The following FRYL variants were observed in gnomAD, a reference collection of about 807,000 sequenced individuals.
FRYL encodes FRY like transcription coactivator.
A neutral mutation model predicts 351.2 loss-of-function variants in FRYL; 150 were observed. The ratio of observed to expected loss-of-function variants is 0.43; its 90% CI spans 0.37 to 0.49. The LOEUF (loss-of-function observed/expected upper bound fraction) is 0.49, where lower values mean the gene tolerates loss of function less well. Among genes scored for constraint, FRYL ranks in the 20% least tolerant of loss-of-function variants. FRYL has a pLI of 0.00. For synonymous variants in FRYL, 1,153 were observed against 1,257.1 expected, an observed-to-expected ratio of 0.92 and a Z score of 1.75; for missense variants, 3,036 against 3,619.3, an observed-to-expected ratio of 0.84 and a Z score of 4.13.
At chr4:48,678,505 C>G (rs1418586554) in intron 3 of FRYL, among the ~76,000 whole-genome samples, 1 of 18,960 alleles carries the variant, frequency 5.3e-5, no homozygotes, top group Non-Finnish European at 8.3e-5. Flanking sequence ...AAAACTCCAT[C>G]TCAAAAAAAA....
intron 18 of FRYL, among the ~76,000 whole-genome samples, chr4:48,588,181 T>A (rs1208814568): frequency 6.6e-6 from 1 of 152,190 alleles, no homozygotes; most frequent in Non-Finnish European, 1.5e-5. Flanking sequence ...TCTCCCAGGA[T>A]AACCCACATG....
chr4:48,766,829 TAAG>T (rs1774996106), intron 1 of FRYL, among the ~76,000 whole-genome samples: 1 of 151,876 alleles, frequency 6.6e-6, no homozygotes, highest in South Asian at 2.1e-4. Flanking sequence ...GTTTTCAAAG[TAAG>T]GAGGTGATTT....
chr4:48,638,365 A>T (rs1317251762), intron 3 of FRYL: 1 of 152,164 alleles, frequency 6.6e-6, no homozygotes, highest in Non-Finnish European at 1.5e-5. Flanking sequence ...AGGCTTTGGA[A>T]CATGAACAAA....
intron 2 of FRYL, among the ~76,000 whole-genome samples, chr4:48,702,350 G>T (rs2149577126): frequency 6.7e-6 from 1 of 148,936 alleles, no homozygotes; most frequent in South Asian, 2.1e-4. Flanking sequence ...CAGCTACTCA[G>T]GAGGCTGAGG....
At position 48,567,917 on chromosome 4, in the gene FRYL, A is replaced by G. The variant is rs189262027; in HGVS notation, c.2997-497T>C. 2.0e-4 allele frequency among the ~76,000 whole-genome samples: 31 copies of G among 152,366 alleles called. No individual in the cohort carries two copies. The highest frequency in any genetic ancestry group is 6.7e-4 in the African/African-American group (28 of 41,592). On this transcript the variant is annotated intron_variant, in intron 27 of 63. Transcript: ENST00000358350. The surrounding 1 kb of genome is among the most constrained non-coding windows in gnomAD (Gnocchi z 4.2). The stretch of plus-strand genomic sequence containing the variant: ...AATCTAAGAGAATTCTTGTAAGAAT[A>G]GGGTAGAGTACTGGGTTTCAAAACC...
intron 1 of FRYL, among the ~76,000 whole-genome samples, chr4:48,752,368 G>A (rs1773336976): frequency 3.3e-5 from 1 of 30,406 alleles, no homozygotes; most frequent in African/African-American, 1.1e-4. Context: ...CTTGACTCCG[G>A]ATCTGCCCCT....
At chr4:48,527,325 T>G (rs1241712392) in intron 53 of FRYL, 152 bp downstream of exon 53, 1 of 445,198 alleles carries the variant, frequency 2.2e-6, no homozygotes, top group Admixed American at 3.8e-5. Context: ...CTTATTCTAT[T>G]GACTAATTGT....
At chr4:48,679,075 G>A (rs1764229079) in intron 3 of FRYL, among the ~76,000 whole-genome samples, 1 of 152,070 alleles carries the variant, frequency 6.6e-6, no homozygotes, top group Non-Finnish European at 1.5e-5. Context: ...AATGATTCAA[G>A]TAACTGCACA....
intron 55 of FRYL, among the ~76,000 whole-genome samples, chr4:48,516,417 C>T (rs1393869118): frequency 6.6e-6 from 1 of 152,120 alleles, no homozygotes. Flanking sequence ...ATGGTATCAA[C>T]ACTAGTTTTT....
At chr4:48,693,993 T>C (rs537600092) in intron 2 of FRYL, among the ~76,000 whole-genome samples, 26 of 11,264 alleles carry the variant, frequency 2.3e-3, no homozygotes, top group African/African-American at 4.3e-3. Context: ...AAGTGTTTTA[T>C]TTTTGCCCAA....
chr4:48,777,961 G>T (rs1776203370), intron 1 of FRYL, among the ~76,000 whole-genome samples: 1 of 152,126 alleles, frequency 6.6e-6, no homozygotes, highest in South Asian at 2.1e-4. Context: ...CAAAGCAGAA[G>T]GATCGCTTGA....
intron 1 of FRYL, among the ~76,000 whole-genome samples, chr4:48,716,516 C>A (rs1164131238): frequency 1.3e-5 from 2 of 151,606 alleles, no homozygotes; most frequent in African/African-American, 4.8e-5. Flanking sequence ...CCAAAAAACA[C>A]ACGAAAAAAT....
intron 2 of FRYL, among the ~76,000 whole-genome samples, chr4:48,708,880 C>G (rs1288097309): frequency 6.6e-6 from 1 of 151,466 alleles, no homozygotes; most frequent in African/African-American, 2.4e-5. Flanking sequence ...AGGCATGAGC[C>G]ATCACACTTA....
chr4:48,578,287 T>A (rs1291335076), intron 23 of FRYL, among the ~76,000 whole-genome samples: 1 of 152,082 alleles, frequency 6.6e-6, no homozygotes, highest in Admixed American at 6.5e-5. Context: ...GATAGGTCAA[T>A]CCAGATGCTG....
chr4:48,693,522 T>C (rs887275498), intron 2 of FRYL, among the ~76,000 whole-genome samples: 15 of 151,942 alleles, frequency 9.9e-5, no homozygotes, highest in African/African-American at 3.6e-4. Context: ...TGGGAGAAAA[T>C]TGTTTTTAAA....
intron 7 of FRYL, chr4:48,617,925 T>C (rs1749871082): frequency 2.0e-5 from 3 of 152,086 alleles, no homozygotes; most frequent in Admixed American, 2.0e-4. Flanking sequence ...CTATACTGTT[T>C]AAGCAAAAAA....
chr4:48,587,501 G>C (rs1017339268), intron 18 of FRYL, among the ~76,000 whole-genome samples: 1 of 151,768 alleles, frequency 6.6e-6, no homozygotes, highest in African/African-American at 2.4e-5. Flanking sequence ...TCCTTATGTA[G>C]AAAAGAATTT....
chr4:48,530,970 C>G (rs1015474737), intron 50 of FRYL, among the ~76,000 whole-genome samples, 186 bp downstream of exon 50: 2 of 152,138 alleles, frequency 1.3e-5, no homozygotes, highest in Non-Finnish European at 2.9e-5. Flanking sequence ...TAGTCTGTTT[C>G]TCTAACAGAC....
chr4:48,584,464 G>A (rs893033151), intron 19 of FRYL, among the ~76,000 whole-genome samples: 2 of 152,202 alleles, frequency 1.3e-5, no homozygotes, highest in African/African-American at 4.8e-5. Context: ...CAACAAAGCA[G>A]CAGCAGTTCC....
Sources: allele counts gnomAD v4.1 joint callset (sites outside exome capture counted in the v4.1 genomes callset), GRCh38; gene constraint gnomAD v4.1.1; non-coding constraint Gnocchi (gnomAD v3.1); transcripts MANE v1.5; gene names NCBI Gene and HGNC (gene_info 2026-07-23, HGNC 2026-07-21).